The following ZKSCAN4 variants were observed in gnomAD, a reference collection of about 807,000 sequenced individuals.
ZKSCAN4 encodes zinc finger protein with KRAB and SCAN domains 4.
In ZKSCAN4, 23 loss-of-function variants were observed where a neutral mutation model predicts 30.8. The ratio of observed to expected loss-of-function variants is 0.75; its 90% CI spans 0.54 to 1.06. ZKSCAN4 has a LOEUF of 1.06. ZKSCAN4 is among the 50% of genes least tolerant of loss of function. The pLI is 0.00. For missense variants in ZKSCAN4, 556 were observed against 665.4 expected, an observed-to-expected ratio of 0.84 and a Z score of 1.81; for synonymous variants, 208 against 252.5, an observed-to-expected ratio of 0.82 and a Z score of 1.67.
rs45573138 is a variant in ZKSCAN4, at chr6:28,245,028, G to A, written c.*88C>T. On this transcript the variant is annotated 3_prime_UTR_variant, in exon 5 of 5. Transcript: ENST00000377294. Reference sequence around the variant, plus strand: ...GATGTATAGTGGTAAATAAAGCCCTGGTCCACAATTTCTGTAACCATTAAG... The same window carrying A: ...GATGTATAGTGGTAAATAAAGCCCTAGTCCACAATTTCTGTAACCATTAAG... 1.9e-3 allele frequency: 2,944 copies of A among 1,538,670 alleles called. 9 individuals are homozygous for A. The highest frequency in any genetic ancestry group is 2.3e-3 in the Non-Finnish European group (2,607 of 1,113,628).
intron 1 of ZKSCAN4, among the ~76,000 whole-genome samples, chr6:28,250,263 T>C (rs1232149739): frequency 6.6e-6 from 1 of 152,172 alleles, no homozygotes. Flanking sequence ...GAGACCGGGT[T>C]TCTCCATGTT....
At chr6:28,257,037 G>A (rs902381802), upstream of ZKSCAN4, among the ~76,000 whole-genome samples, 5 of 152,092 alleles carry the variant, frequency 3.3e-5, no homozygotes, top group African/African-American at 1.2e-4. Flanking sequence ...CCCTAATTAA[G>A]CAAAATGTTA....
rs62638677 is a variant in ZKSCAN4, at chr6:28,245,828, C to T, written c.926G>A (p.Arg309Lys). 3.0e-4 allele frequency: 485 copies of T among 1,614,232 alleles called. 1 individual carries two copies. Among genetic ancestry groups the T allele is most frequent in the Middle Eastern group, 2.5e-3 (15 of 6,062 alleles). ...ACTCCCTATGGCATTTTTCTGCTTT[C>T]TTTGTAACCTGCCCTCCTGTTCACC... ...EAGEQEGRLQ[R>K]KQKNAIGSRR... The change falls in exon 5 of 5, where the codon AGA (arginine) becomes AAA (lysine). Residue 309 changes from arginine to lysine, a missense_variant. Physicochemically the swap from Arg to Lys is conservative, Grantham distance 26. Around this residue, in one of 3 missense-constraint regions of ZKSCAN4, gnomAD observed 433 missense variants for 511.5 expected, o/e 0.85. Coordinates refer to ENST00000377294, the MANE Select transcript of ZKSCAN4 (RefSeq NM_019110.5).
At position 28,252,045 on chromosome 6, in the gene ZKSCAN4, G is replaced by A. The variant is rs1174870517; in HGVS notation, c.-65C>T. On this transcript the variant is annotated 5_prime_UTR_variant, in exon 1 of 5. Transcript: ENST00000377294. ...ACCTGTATATCTTCAGAGGATTCTG[G>A]AAGGGTGGTAAATTTTCCAGTAGAA... The A allele has an allele frequency of 6.7e-7, 1 of 1,491,548 alleles. No individual in the cohort carries two copies. The highest frequency in any genetic ancestry group is 8.9e-7 in the Non-Finnish European group (1 of 1,120,256). The allele number at this position is 1,491,548 out of a possible 1,614,324, so 92.4% of individuals were successfully genotyped here. A position where few individuals can be genotyped will look rare whatever the true frequency, so the allele number is the denominator to read the frequency against.
chr6:28,249,954 TAAC>T lies in ZKSCAN4; in HGVS notation c.424-123_424-121del, dbSNP rs1229698327. 1.8e-6 allele frequency: 2 copies of T among 1,123,322 alleles called. No homozygotes were observed. The highest frequency in any genetic ancestry group is 2.5e-6 in the Non-Finnish European group (2 of 789,044). 69.6% of individuals were successfully genotyped at this position (1,123,322 alleles called of 1,614,324 possible). On this transcript the variant is annotated intron_variant, in intron 1 of 4. Transcript: ENST00000377294. This position sits in a 1 kb window ranked among gnomAD's most constrained non-coding sequence, Gnocchi z 4.1. ...ATGATATTAACACAATTAATATAGA[TAAC>T]AACCCTGTGAGCTATTATTTTGGAT...
intron 4 of ZKSCAN4, 51 bp from the exon 5 acceptor site, chr6:28,246,026 A>G (rs1238841368): frequency 6.2e-7 from 1 of 1,613,408 alleles, no homozygotes; most frequent in East Asian, 2.2e-5. Context: ...CCATGGGAGG[A>G]AAGCTCTGTG....
intron 1 of ZKSCAN4, among the ~76,000 whole-genome samples, chr6:28,250,616 G>A (rs2113687921): frequency 6.6e-6 from 1 of 152,310 alleles, no homozygotes; most frequent in East Asian, 1.9e-4. Context: ...TTGGAGACCA[G>A]TAAATAAGAT....
Position 28,243,000 on chromosome 6 carries a change from A to G in ZKSCAN4, c.*2116T>C, listed in dbSNP as rs531832964. ...ATCTCTTCATGTAACATCAGAAACA[A>G]ATATCACAGAAAAGTTAACAGAGTT... is the stretch of plus-strand genomic sequence containing the variant. On this transcript the variant is annotated 3_prime_UTR_variant, in exon 5 of 5. Transcript: ENST00000377294. Among the ~76,000 whole-genome samples the G allele has an allele frequency of 3.3e-5, 5 of 152,340 alleles. No homozygotes were observed. The East Asian group carries it at 9.7e-4, about 29-fold the overall frequency.
In ZKSCAN4 at chr6:28,242,738, C is replaced by T. The variant is rs1206950720; in HGVS notation, c.*2378G>A. ...CTTACCAACCTGACTGTACTAAAGA[C>T]CTAAGCCTAAGTGTGTATACACACA... On this transcript the variant is annotated 3_prime_UTR_variant, in exon 5 of 5. Transcript: ENST00000377294. 1.3e-5 allele frequency among the ~76,000 whole-genome samples: 2 copies of T among 150,826 alleles called. No individual in the cohort carries two copies. Among genetic ancestry groups the T allele is most frequent in the East Asian group, 1.9e-4 (1 of 5,150 alleles).
At chr6:28,248,649 A>AGAAACCTGTC (rs138887541) in intron 2 of ZKSCAN4, among the ~76,000 whole-genome samples, 7,540 of 151,880 alleles carry the variant, frequency 0.05, 300 homozygotes, top group Non-Finnish European at 0.086. Context: ...GGCAACCTGG[A>AGAAACCTGTC]GAAACCTGTC....
rs1184092780 is a variant in ZKSCAN4 at position 28,251,374 on chromosome 6, C to A, written c.423+184G>T. 1.1e-6 allele frequency: 1 copy of A among 892,792 alleles called. No individual in the cohort carries two copies. Among genetic ancestry groups the A allele is most frequent in the Non-Finnish European group, 1.7e-6 (1 of 575,098 alleles). The allele number at this position is 892,792 out of a possible 1,614,324, so 55.3% of individuals were successfully genotyped here. The stretch of plus-strand genomic sequence containing the variant: ...GTTCTTTTGTAATCCTTTATAGTTT[C>A]TTTATATATTTAAAAATATAATTCT... On this transcript the variant is annotated intron_variant, in intron 1 of 4. Transcript: ENST00000377294. The surrounding 1 kb of genome is among the most constrained non-coding windows in gnomAD (Gnocchi z 4.5).
intron 2 of ZKSCAN4, among the ~76,000 whole-genome samples, chr6:28,248,564 C>T (rs552790968): frequency 6.6e-6 from 1 of 152,240 alleles, no homozygotes; most frequent in African/African-American, 2.4e-5. Flanking sequence ...CACAGTGGCT[C>T]ATCCCTGTAA....
chr6:28,249,298 A>C lies in ZKSCAN4; in HGVS notation c.571+389T>G, dbSNP rs774078151. On this transcript the variant is annotated intron_variant, in intron 2 of 4. Transcript: ENST00000377294. The surrounding 1 kb of genome is among the most constrained non-coding windows in gnomAD (Gnocchi z 4.1). ...AGCACTTAACAATATCTAAAATTAT[A>C]TTATTAATTTATTTTCTATCCTCCC... is the stretch of plus-strand genomic sequence containing the variant. Among the ~76,000 whole-genome samples, 1 of 152,152 alleles carries C rather than the reference A, an allele frequency of 6.6e-6. No individual in the cohort carries two copies. Among genetic ancestry groups the C allele is most frequent in the Admixed American group, 6.5e-5 (1 of 15,270 alleles).
chr6:28,251,728 C>T lies in ZKSCAN4; in HGVS notation c.253G>A (p.Glu85Lys). The stretch of plus-strand genomic sequence containing the variant: ...AGGATCTGCTCCTTGCTGTGCATCT[C>T]AGGCTGCAGCCATTGTCCGCAGAGT... ...RELCGQWLQPEMHSKEQILEL... is the reference protein window; with the variant it reads ...RELCGQWLQPKMHSKEQILEL... Residue 85 changes from glutamate to lysine, a missense_variant, in exon 1 of 5, where the codon GAG (glutamate) becomes AAG (lysine). Transcript: ENST00000377294. This position sits in a 1 kb window ranked among gnomAD's most constrained non-coding sequence, Gnocchi z 4.5. 6.2e-7 allele frequency: 1 copy of T among 1,614,266 alleles called. No individual in the cohort carries two copies. Among genetic ancestry groups the T allele is most frequent in the Non-Finnish European group, 8.5e-7 (1 of 1,180,044 alleles).
upstream of ZKSCAN4, among the ~76,000 whole-genome samples, chr6:28,256,709 A>G (rs1044237535): frequency 5.3e-5 from 8 of 152,238 alleles, no homozygotes; most frequent in South Asian, 2.1e-4. Flanking sequence ...CCTCCCATTA[A>G]AAAGGTATGG....
In ZKSCAN4 at chr6:28,245,840, C is replaced by T. The variant is rs771195251; in HGVS notation, c.914G>A (p.Gly305Asp). 18 of 1,614,104 alleles carry T rather than the reference C, an allele frequency of 1.1e-5. No individual in the cohort carries two copies. The Admixed American group carries it at 1.5e-4, about 13-fold the overall frequency. Residue 305 changes from glycine (G) to aspartate (D), a missense_variant, in exon 5 of 5, where the codon GGC becomes GAC. Transcript: ENST00000377294. ...PTHAEAGEQEGRLQRKQKNAI... is the reference protein window; with the variant it reads ...PTHAEAGEQEDRLQRKQKNAI... ...ATTTTTCTGCTTTCTTTGTAACCTGCCCTCCTGTTCACCAGCTTCTGCATG... is the reference window on the plus strand; with the variant it reads ...ATTTTTCTGCTTTCTTTGTAACCTGTCCTCCTGTTCACCAGCTTCTGCATG...
In ZKSCAN4 at chr6:28,251,524, C is replaced by T; in HGVS notation, c.423+34G>A. 6.2e-7 allele frequency: 1 copy of T among 1,614,120 alleles called. No individual in the cohort carries two copies. Among genetic ancestry groups the T allele is most frequent in the Non-Finnish European group, 8.5e-7 (1 of 1,180,006 alleles). Reference sequence around the variant, plus strand: ...TCTGGGATTTCAGGAGGAAACAGACCACAGCGCTCAGATACTAAACCTGTT... The same window carrying T: ...TCTGGGATTTCAGGAGGAAACAGACTACAGCGCTCAGATACTAAACCTGTT... On this transcript the variant is annotated intron_variant, in intron 1 of 4. Coordinates refer to ENST00000377294, the MANE Select transcript of ZKSCAN4 (RefSeq NM_019110.5). The surrounding 1 kb of genome is among the most constrained non-coding windows in gnomAD (Gnocchi z 4.5).
At position 28,243,132 on chromosome 6, in the gene ZKSCAN4, A is replaced by C. The variant is rs182873781; in HGVS notation, c.*1984T>G. On this transcript the variant is annotated 3_prime_UTR_variant, in exon 5 of 5. Coordinates refer to ENST00000377294, the MANE Select transcript of ZKSCAN4 (RefSeq NM_019110.5). The stretch of plus-strand genomic sequence containing the variant: ...CTAGCTTTGTGGAAATAACATAAAT[A>C]AAGCTGATTTTAAAGAAATTTGAAA... Among the ~76,000 whole-genome samples, 4 of 152,364 alleles carry C rather than the reference A, an allele frequency of 2.6e-5. No homozygotes were observed. In the East Asian group the frequency reaches 7.7e-4, roughly 29 times the overall value.
chr6:28,242,748 A>AGT lies in ZKSCAN4; in HGVS notation c.*2366_*2367dup. The stretch of plus-strand genomic sequence containing the variant: ...TGACTGTACTAAAGACCTAAGCCTA[A>AGT]GTGTGTATACACACACACACACACA... On this transcript the variant is annotated 3_prime_UTR_variant, in exon 5 of 5. Transcript: ENST00000377294. Among the ~76,000 whole-genome samples the AGT allele has an allele frequency of 6.9e-6, 1 of 145,802 alleles. No homozygotes were observed. Among genetic ancestry groups the AGT allele is most frequent in the Non-Finnish European group, 1.5e-5 (1 of 66,374 alleles).
Sources: allele counts gnomAD v4.1 joint callset (sites outside exome capture counted in the v4.1 genomes callset), GRCh38; gene constraint gnomAD v4.1.1; regional missense constraint gnomAD v4.1.1; non-coding constraint Gnocchi (gnomAD v3.1); transcripts MANE v1.5; gene names NCBI Gene and HGNC (gene_info 2026-07-23, HGNC 2026-07-21).